DHX8: variants seen among roughly 807,000 people sequenced by gnomAD.
DHX8 encodes DEAH-box helicase 8, also known as ATP-dependent RNA helicase DHX8.
In DHX8, 67 loss-of-function variants were observed where a neutral mutation model predicts 140.7. The observed-to-expected ratio is 0.48, with a 90% CI of 0.39 to 0.58. The LOEUF is 0.58. Among genes scored for constraint, DHX8 ranks in the 20% least tolerant of loss-of-function variants. The pLI is 0.00. For synonymous variants in DHX8, 533 were observed against 553.2 expected, an observed-to-expected ratio of 0.96 and a Z score of 0.51; for missense variants, 887 against 1,550.7, an observed-to-expected ratio of 0.57 and a Z score of 7.19.
At chr17:43,540,273 C>T (rs973693254) in intron 3 of DHX8, among the ~76,000 whole-genome samples, 1 of 151,956 alleles carries the variant, frequency 6.6e-6, no homozygotes, top group African/African-American at 2.4e-5. Flanking sequence ...GCCAATGTGG[C>T]GAAACCCCAT....
At chr17:43,514,144 C>G (rs1969993599) in intron 17 of DHX8, among the ~76,000 whole-genome samples, 1 of 152,034 alleles carries the variant, frequency 6.6e-6, no homozygotes, top group African/African-American at 2.4e-5. Context: ...GAGTTCTAAA[C>G]TAGCCTGGGC....
chr17:43,529,272 C>T, downstream of DHX8: 2 of 1,603,646 alleles, frequency 1.2e-6, no homozygotes, highest in South Asian at 1.1e-5. Flanking sequence ...GAGATGCTAC[C>T]TTGGCAGAGG....
chr17:43,535,472 T>G (rs1971191771), intron 2 of DHX8, among the ~76,000 whole-genome samples: 1 of 152,110 alleles, frequency 6.6e-6, no homozygotes, highest in African/African-American at 2.4e-5. Flanking sequence ...AGACGGAATT[T>G]CATCATGTTG....
chr17:43,530,246 G>A (rs975927373), downstream of DHX8: 4 of 1,549,596 alleles, frequency 2.6e-6, no homozygotes, highest in African/African-American at 5.5e-5. Flanking sequence ...AGGGGAGGAG[G>A]AAGTCCTATC....
chr17:43,492,284 T>A lies in DHX8; in HGVS notation c.495T>A (p.Ala165=). 1 of 1,613,340 alleles carries A rather than the reference T, an allele frequency of 6.2e-7. No individual in the cohort carries two copies. Among genetic ancestry groups the A allele is most frequent in the Non-Finnish European group, 8.5e-7 (1 of 1,179,346 alleles). ...SAAGQEKQRD[A]EHRDRTKKKK... ...CAGGCCAGGAGAAGCAAAGAGATGC[T>A]GAACACCGGTTTGTCCTTAGTGTCC... Residue 165 remains alanine, a synonymous_variant, in exon 5 of 23, where the codon GCT becomes GCA. Transcript: ENST00000262415.
At chr17:43,532,671 T>C (rs998466217) in intron 2 of DHX8, 2 of 1,610,456 alleles carry the variant, frequency 1.2e-6, no homozygotes, top group Non-Finnish European at 8.5e-7. Context: ...CCCAGTCTCT[T>C]ACCTGAGTCG....
chr17:43,516,589 C>T (rs73304564), intron 17 of DHX8, among the ~76,000 whole-genome samples: 1,637 of 152,196 alleles, frequency 0.011, 21 homozygotes, highest in African/African-American at 0.038. Flanking sequence ...ACTGGGACTA[C>T]AGGCGTGAGC....
At chr17:43,543,276 A>ACTCTCCCTCTCTCT (rs138989101) in intron 3 of DHX8, among the ~76,000 whole-genome samples, 1 of 138,140 alleles carries the variant, frequency 7.2e-6, no homozygotes, top group African/African-American at 2.7e-5. Flanking sequence ...ACACACACAC[A>ACTCTCCCTCTCTCT]CTCTCTCTCT....
intron 11 of DHX8, 119 bp downstream of exon 11, chr17:43,500,222 TG>T (rs1969106207): frequency 8.6e-7 from 1 of 1,162,418 alleles, no homozygotes; most frequent in Non-Finnish European, 1.2e-6. Flanking sequence ...CGGTGGCTCA[TG>T]CCTGTAATCC....
At chr17:43,489,631 C>A in intron 2 of DHX8, 97 bp downstream of exon 2, 1 of 926,214 alleles carries the variant, frequency 1.1e-6, no homozygotes, top group South Asian at 1.6e-5. Flanking sequence ...TGCTCTGTCG[C>A]CTGGGCTGGA....
chr17:43,540,781 T>C (rs1160599390), intron 3 of DHX8, among the ~76,000 whole-genome samples: 2 of 152,118 alleles, frequency 1.3e-5, no homozygotes, highest in East Asian at 3.9e-4. Context: ...AGAGGCAACA[T>C]CCCCCAAGGT....
intron 4 of DHX8, among the ~76,000 whole-genome samples, chr17:43,491,783 G>A (rs557802445): frequency 6.6e-6 from 1 of 151,994 alleles, no homozygotes; most frequent in African/African-American, 2.4e-5. Flanking sequence ...CAAACAAATA[G>A]GTATGTAACA....
intron 11 of DHX8, among the ~76,000 whole-genome samples, chr17:43,502,691 G>C (rs1969263677): frequency 6.6e-6 from 1 of 152,138 alleles, no homozygotes; most frequent in Non-Finnish European, 1.5e-5. Context: ...CTCCCAAAGT[G>C]CTGGGATTAC....
intron 1 of DHX8, among the ~76,000 whole-genome samples, chr17:43,485,666 G>C (rs1968098420): frequency 6.6e-6 from 1 of 151,888 alleles, no homozygotes; most frequent in Non-Finnish European, 1.5e-5. Context: ...CTTTCTCTCT[G>C]TTTTCATTTT....
chr17:43,506,618 CA>C (rs59130188), intron 12 of DHX8, among the ~76,000 whole-genome samples: 1,634 of 73,450 alleles, frequency 0.022, 19 homozygotes, highest in African/African-American at 0.063. Flanking sequence ...GACTTCATCT[CA>C]AAAAAAAAAA....
downstream of DHX8, chr17:43,529,071 T>TC (rs1272360471): frequency 2.0e-6 from 3 of 1,467,576 alleles, no homozygotes; most frequent in Non-Finnish European, 2.9e-6. Flanking sequence ...GCTGACCCTC[T>TC]CCCCAGTCAG....
intron 2 of DHX8, among the ~76,000 whole-genome samples, chr17:43,489,911 G>T (rs180817834): frequency 1.1e-3 from 164 of 152,170 alleles, no homozygotes; most frequent in Middle Eastern, 3.4e-3. Flanking sequence ...TTTTGATAGG[G>T]TTTAATATAG....
downstream of DHX8, among the ~76,000 whole-genome samples, chr17:43,531,410 A>C (rs1289749835): frequency 6.6e-6 from 1 of 152,216 alleles, no homozygotes; most frequent in Non-Finnish European, 1.5e-5. Flanking sequence ...ACTAGAATTT[A>C]AAGAAGTCCC....
chr17:43,491,622 C>T (rs889059526), intron 4 of DHX8, among the ~76,000 whole-genome samples: 18 of 151,696 alleles, frequency 1.2e-4, no homozygotes, highest in Admixed American at 5.9e-4. Flanking sequence ...TGAGTACTTA[C>T]TGTATGCCAA....
Sources: allele counts gnomAD v4.1 joint callset (sites outside exome capture counted in the v4.1 genomes callset), GRCh38; gene constraint gnomAD v4.1.1; transcripts MANE v1.5; gene names NCBI Gene and HGNC (gene_info 2026-07-23, HGNC 2026-07-21).